UPP2: variants seen among roughly 807,000 people sequenced by gnomAD.
The protein encoded by UPP2 is uridine phosphorylase 2.
Under a neutral mutation model 26.7 loss-of-function variants are expected in UPP2, and 23 were observed. That is an observed-to-expected ratio of 0.86 (90% CI 0.62 to 1.22). UPP2 has a LOEUF of 1.22. Among genes scored for constraint, UPP2 ranks in the 50% most tolerant of loss-of-function variants. The pLI, the probability that UPP2 is intolerant of heterozygous loss-of-function variation, is 0.00. For missense variants in UPP2, 387 were observed against 396.7 expected (o/e 0.98, Z 0.21); for synonymous variants, 127 against 141.3 (o/e 0.90, Z 0.72).
At chr2:158,067,140 T>C (rs1682449291) in intron 3 of UPP2, among the ~76,000 whole-genome samples, 1 of 152,102 alleles carries the variant, frequency 6.6e-6, no homozygotes, top group East Asian at 1.9e-4. Context: ...CTAATTTTTA[T>C]ATGCCTTTTG....
chr2:158,034,419 A>G (rs1683970467), intron 3 of UPP2, among the ~76,000 whole-genome samples: 1 of 152,174 alleles, frequency 6.6e-6, no homozygotes, highest in Non-Finnish European at 1.5e-5. Context: ...TTTCAGAGAG[A>G]AGGAAACCGT....
chr2:158,067,370 CA>C (rs113444405), intron 3 of UPP2, among the ~76,000 whole-genome samples: 9,880 of 108,646 alleles, frequency 0.091, 413 homozygotes, highest in East Asian at 0.18. Flanking sequence ...CATTTATCAT[CA>C]AAAAAAAAAA....
At chr2:158,038,344 T>G (rs1574257775) in intron 3 of UPP2, among the ~76,000 whole-genome samples, 1 of 152,228 alleles carries the variant, frequency 6.6e-6, no homozygotes, top group Non-Finnish European at 1.5e-5. Context: ...GTTGTGTCTT[T>G]AGAATAAATG....
At chr2:158,109,956 A>T (rs1253204689) in intron 2 of UPP2, among the ~76,000 whole-genome samples, 3 of 152,200 alleles carry the variant, frequency 2.0e-5, no homozygotes, top group African/African-American at 7.2e-5. Flanking sequence ...GAATGTGGGT[A>T]GAGTGCTGAG....
At chr2:158,027,120 C>T (rs554661681) in intron 3 of UPP2, among the ~76,000 whole-genome samples, 8 of 152,294 alleles carry the variant, frequency 5.3e-5, no homozygotes, top group Admixed American at 5.2e-4. Flanking sequence ...CTCATGTCCT[C>T]ACATTTCAAA....
intron 3 of UPP2, among the ~76,000 whole-genome samples, chr2:158,077,281 G>GA (rs1344360148): frequency 1.6e-4 from 24 of 151,858 alleles, no homozygotes; most frequent in South Asian, 4.2e-4. Flanking sequence ...CACATAAATA[G>GA]AAAAAAACAA....
At chr2:158,053,600 G>A (rs1682193635) in intron 3 of UPP2, among the ~76,000 whole-genome samples, 1 of 152,136 alleles carries the variant, frequency 6.6e-6, no homozygotes, top group Admixed American at 6.5e-5. Context: ...ATGGATGGAA[G>A]GATGGATAGG....
rs369337826 is a variant in UPP2 at position 158,006,372 on chromosome 2, G to A, written c.62-9429G>A. ...TAGTCCCAGCTACTCTGGAGGCTGA[G>A]GCAGGAGAATGGCGTGAACAAGGGA... On this transcript the variant is annotated intron_variant, in intron 2 of 9. Coordinates refer to the UPP2 transcript ENST00000605860. Among the ~76,000 whole-genome samples, 9 of 151,962 alleles carry A rather than the reference G, an allele frequency of 5.9e-5. No homozygotes were observed. The South Asian group carries it at 1.2e-3, about 21-fold the overall frequency.
At chr2:158,036,368 C>T (rs1003793679) in intron 3 of UPP2, among the ~76,000 whole-genome samples, 4 of 152,146 alleles carry the variant, frequency 2.6e-5, no homozygotes, top group Non-Finnish European at 2.9e-5. Flanking sequence ...TACCCCCGAG[C>T]GCTTGGTGGA....
chr2:158,126,565 T>C (rs1033555491), intron 6 of UPP2: 2 of 152,212 alleles, frequency 1.3e-5, no homozygotes, highest in African/African-American at 4.8e-5. Flanking sequence ...ACCCCATGGA[T>C]AGGGTGCTAT....
At position 158,109,506 on chromosome 2, in the gene UPP2, G is replaced by A. The variant is rs77721636; in HGVS notation, c.180+3290G>A. ...TGTTTCCTTCAAGGCATAAATTGCT[G>A]TTTCCCAGTGTGTCAACACCTGTCC... On this transcript the variant is annotated intron_variant, in intron 2 of 6. Transcript: ENST00000005756. Among the ~76,000 whole-genome samples the A allele has an allele frequency of 1.8e-4, 27 of 152,272 alleles. No homozygotes were observed. In the East Asian group the frequency reaches 5.2e-3, roughly 29 times the overall value.
chr2:158,061,771 G>C (rs1682355999), intron 3 of UPP2, among the ~76,000 whole-genome samples: 1 of 152,234 alleles, frequency 6.6e-6, no homozygotes, highest in East Asian at 1.9e-4. Flanking sequence ...GCTGTGTGCA[G>C]GTTTGTGGTC....
At chr2:157,995,331 C>CA (rs771567777) in intron 2 of UPP2, 2 of 1,526,480 alleles carry the variant, frequency 1.3e-6, no homozygotes, top group Non-Finnish European at 1.8e-6. Flanking sequence ...AGTCTCAGTA[C>CA]AAATTAATTT....
At chr2:158,067,334 T>G (rs1429877118) in intron 3 of UPP2, among the ~76,000 whole-genome samples, 1 of 142,380 alleles carries the variant, frequency 7.0e-6, no homozygotes, top group Admixed American at 7.0e-5. Context: ...TGTGAGAGCT[T>G]AAACATCTAA....
At chr2:158,106,574 G>C (rs930438083) in intron 2 of UPP2, among the ~76,000 whole-genome samples, 1 of 151,970 alleles carries the variant, frequency 6.6e-6, no homozygotes, top group Admixed American at 6.6e-5. Flanking sequence ...ACTAGTTCTC[G>C]TTTTATTAAC....
rs1206841458 is a variant in UPP2 at position 158,101,983 on chromosome 2, T to C, written c.-81T>C. 1.0e-5 allele frequency: 16 copies of C among 1,591,956 alleles called. No homozygotes were observed. The highest frequency in any genetic ancestry group is 1.3e-5 in the Non-Finnish European group (15 of 1,171,428). On this transcript the variant is annotated 5_prime_UTR_variant, in exon 1 of 7. Coordinates refer to ENST00000005756, the MANE Select transcript of UPP2 (RefSeq NM_173355.4). ...TGACTGGGAACTGAACTATTATGAC[T>C]AGGTCTATAATTTAATAACAAGTCA...
At chr2:158,091,132 A>T (rs1480875463) in intron 3 of UPP2, among the ~76,000 whole-genome samples, 7 of 152,228 alleles carry the variant, frequency 4.6e-5, no homozygotes, top group South Asian at 2.1e-4. Flanking sequence ...TTAAAATAAG[A>T]CATTAATGTC....
intron 3 of UPP2, among the ~76,000 whole-genome samples, chr2:158,055,804 G>A (rs990452169): frequency 1.3e-5 from 2 of 152,116 alleles, no homozygotes; most frequent in African/African-American, 2.4e-5. Context: ...CGGAGATTGT[G>A]TTGTCCTCAC....
chr2:158,080,391 T>C (rs767767813), intron 3 of UPP2, among the ~76,000 whole-genome samples: 4 of 152,174 alleles, frequency 2.6e-5, no homozygotes, highest in Non-Finnish European at 4.4e-5. Flanking sequence ...ACACTGCCTC[T>C]GTAGGTGCAA....
Sources: allele counts gnomAD v4.1 joint callset (sites outside exome capture counted in the v4.1 genomes callset), GRCh38; gene constraint gnomAD v4.1.1; transcripts MANE v1.5; gene names NCBI Gene and HGNC (gene_info 2026-07-23, HGNC 2026-07-21).